The following ZCCHC2 variants were observed in gnomAD, a reference collection of about 807,000 sequenced individuals.
The protein encoded by ZCCHC2 is zinc finger CCHC domain-containing protein 2.
Under a neutral mutation model 103.6 loss-of-function variants are expected in ZCCHC2, and 39 were observed. That is an observed-to-expected ratio of 0.38 (90% CI 0.29 to 0.49). The LOEUF is 0.49. Ranked by LOEUF, ZCCHC2 falls within the 20% of genes least tolerant of loss-of-function variation. ZCCHC2 has a pLI of 0.96. For missense variants in ZCCHC2, 1,483 were observed against 1,491.0 expected, an observed-to-expected ratio of 0.99 and a Z score of 0.09; for synonymous variants, 687 against 608.9, an observed-to-expected ratio of 1.13 and a Z score of -1.89.
chr18:62,553,156 A>ATGTGTGTGTGTGTGTG (rs142422088), intron 5 of ZCCHC2, among the ~76,000 whole-genome samples: 1 of 139,742 alleles, frequency 7.2e-6, no homozygotes, highest in African/African-American at 2.7e-5. Context: ...CCTTAGATTT[A>ATGTGTGTGTGTGTGTG]TGTGTGTGTG....
intron 4 of ZCCHC2, among the ~76,000 whole-genome samples, chr18:62,546,014 C>G (rs1915391117): frequency 6.6e-6 from 1 of 152,186 alleles, no homozygotes. Context: ...TTGAATAGTT[C>G]CATCTTCCTG....
rs991986483 is a variant in ZCCHC2 at position 62,575,668 on chromosome 18, A to G, written c.3469+118A>G. 1.3e-5 allele frequency: 16 copies of G among 1,266,390 alleles called. No individual in the cohort carries two copies. The African/African-American group carries it at 2.1e-4, about 17-fold the overall frequency. The allele number at this position is 1,266,390 out of a possible 1,614,324, so 78.4% of individuals were successfully genotyped here. A position where few individuals can be genotyped will look rare whatever the true frequency, so the allele number is the denominator to read the frequency against. On this transcript the variant is annotated intron_variant, in intron 13 of 13. Coordinates refer to ENST00000269499, the MANE Select transcript of ZCCHC2 (RefSeq NM_017742.6). ...GATCTGTTTGTGTTTTCGTTTATGG[A>G]TATTGTTTTCAGTGACAGATCATAA... is the stretch of plus-strand genomic sequence containing the variant.
At position 62,558,695 on chromosome 18, in the gene ZCCHC2, C is replaced by A. The variant is rs763654281; in HGVS notation, c.1417C>A (p.Gln473Lys). The A allele has an allele frequency of 5.9e-6, 9 of 1,523,292 alleles. No homozygotes were observed. Among genetic ancestry groups the A allele is most frequent in the South Asian group, 2.5e-5 (2 of 78,452 alleles). 94.4% of individuals were successfully genotyped at this position (1,523,292 alleles called of 1,614,324 possible). Residue 473 changes from glutamine to lysine, a missense_variant, in exon 7 of 14, where the codon CAA (glutamine) becomes AAA (lysine). Gln to Lys is a moderately conservative substitution (Grantham distance 53). Transcript: ENST00000269499. ...SDSLHSINNLQSSLKTSKILE... is the reference protein window; with the variant it reads ...SDSLHSINNLKSSLKTSKILE... Reference sequence around the variant, plus strand: ...TTGAATGCTTCCTGCAGATAACTTACAATCCTCTCTGAAGACTTCTAAGAT... The same window carrying A: ...TTGAATGCTTCCTGCAGATAACTTAAAATCCTCTCTGAAGACTTCTAAGAT...
At chr18:62,537,309 G>A (rs1018942233) in intron 1 of ZCCHC2, among the ~76,000 whole-genome samples, 1 of 151,904 alleles carries the variant, frequency 6.6e-6, no homozygotes, top group Non-Finnish European at 1.5e-5. Flanking sequence ...AGGACTACAG[G>A]CACATACCAC....
In ZCCHC2 at chr18:62,575,426, C is replaced by T. The variant is rs375513971; in HGVS notation, c.3345C>T (p.Asn1115=). 1.1e-4 allele frequency: 179 copies of T among 1,613,906 alleles called. No individual in the cohort carries two copies. Among genetic ancestry groups the T allele is most frequent in the Admixed American group, 4.3e-4 (26 of 60,014 alleles). ...GRFYPVYPAP[N]VVANTSGSGP... ...TCTATCCTGTATATCCAGCACCTAA[C>T]GTAGTTGCCAACACCAGTGGTTCGG... is the stretch of plus-strand genomic sequence containing the variant. Residue 1115 remains asparagine (N), a synonymous_variant, in exon 13 of 14, where the codon AAC becomes AAT. Coordinates refer to ENST00000269499, the MANE Select transcript of ZCCHC2 (RefSeq NM_017742.6).
intron 11 of ZCCHC2, 146 bp from the exon 12 acceptor site, chr18:62,569,957 A>T: frequency 1.6e-6 from 1 of 644,050 alleles, no homozygotes; most frequent in East Asian, 3.1e-5. Context: ...TTGTAATTTA[A>T]TCAGTTTAGA....
chr18:62,562,370 T>C (rs1403711306), intron 8 of ZCCHC2, among the ~76,000 whole-genome samples: 3 of 152,188 alleles, frequency 2.0e-5, no homozygotes, highest in Non-Finnish European at 1.5e-5. Flanking sequence ...ATCTGTTTTC[T>C]TCCGACCAAT....
rs1468069609 is a variant in ZCCHC2, at chr18:62,561,821, GT to G, written c.1550+1181del. On this transcript the variant is annotated intron_variant, in intron 8 of 13. Coordinates refer to ENST00000269499, the MANE Select transcript of ZCCHC2 (RefSeq NM_017742.6). ...TTTTGTTGTTGTCTGGTTTTCAGCA[GT>G]TTTCCTAGCTTCCTTTGCATGAATT... 7.8e-4 allele frequency among the ~76,000 whole-genome samples: 119 copies of G among 152,286 alleles called. 1 individual carries two copies. Among genetic ancestry groups the G allele is most frequent in the Non-Finnish European group, 1.1e-3 (76 of 68,026 alleles).
chr18:62,529,150 A>G (rs1164665264), intron 1 of ZCCHC2, among the ~76,000 whole-genome samples: 1 of 142,280 alleles, frequency 7.0e-6, no homozygotes, highest in Non-Finnish European at 1.5e-5. Context: ...ACAGAGTGAG[A>G]CAACGTCTCA....
At chr18:62,571,704 G>C (rs1916605738) in intron 12 of ZCCHC2, among the ~76,000 whole-genome samples, 1 of 152,178 alleles carries the variant, frequency 6.6e-6, no homozygotes, top group Non-Finnish European at 1.5e-5. Flanking sequence ...ACCCATGCTG[G>C]TGGGCAGCAT....
chr18:62,581,855 G>C (rs563984864), downstream of ZCCHC2: 116 of 165,676 alleles, frequency 7.0e-4, no homozygotes, highest in Middle Eastern at 2.8e-3. Context: ...AAGGCCAGGT[G>C]GACCCCTCCC....
chr18:62,524,257 T>C lies in ZCCHC2; in HGVS notation c.833T>C (p.Val278Ala). The change falls in exon 1 of 14, where the codon GTC becomes GCC. Residue 278 changes from valine (V) to alanine (A), a missense_variant. By Grantham distance (64) the Val-to-Ala change is moderately conservative. Around this residue, in one of 3 missense-constraint regions of ZCCHC2, gnomAD observed 568 missense variants for 525.1 expected, o/e 1.08. Transcript: ENST00000269499. ...LHPAFSFHQR[V>A]TLREHLERLR... ...CCGGCTTTCTCCTTCCACCAGCGGG[T>C]CACCCTGAGGGAACACTTGGAGAGG... The C allele has an allele frequency of 6.5e-7, 1 of 1,550,044 alleles. No individual in the cohort carries two copies. Among genetic ancestry groups the C allele is most frequent in the Non-Finnish European group, 8.7e-7 (1 of 1,146,670 alleles).
intron 1 of ZCCHC2, among the ~76,000 whole-genome samples, chr18:62,535,531 G>A (rs1221164407): frequency 1.3e-5 from 2 of 152,146 alleles, no homozygotes; most frequent in Non-Finnish European, 2.9e-5. Context: ...CTGTTCTAGG[G>A]TGTCTGGGAC....
intron 1 of ZCCHC2, among the ~76,000 whole-genome samples, chr18:62,529,799 G>A (rs1402075835): frequency 1.3e-5 from 2 of 152,150 alleles, no homozygotes; most frequent in South Asian, 2.1e-4. Flanking sequence ...ACTAAAATAT[G>A]TCTGTGTGAT....
At chr18:62,567,951 A>AAAAAAAAAAAAAAG (rs1279132414) in intron 11 of ZCCHC2, among the ~76,000 whole-genome samples, 1 of 107,580 alleles carries the variant, frequency 9.3e-6, no homozygotes, top group African/African-American at 2.7e-5. Context: ...TCTCAAAAAA[A>AAAAAAAAAAAAAAG]AAAAAAAAGA....
chr18:62,539,825 A>C, intron 2 of ZCCHC2, 33 bp downstream of exon 2: 1 of 1,506,096 alleles, frequency 6.6e-7, no homozygotes, highest in Non-Finnish European at 9.1e-7. Context: ...TTAAAGCATT[A>C]ATACATCAAA....
chr18:62,557,187 C>G (rs1297145214), intron 6 of ZCCHC2, among the ~76,000 whole-genome samples: 1 of 152,144 alleles, frequency 6.6e-6, no homozygotes, highest in Non-Finnish European at 1.5e-5. Flanking sequence ...CACTGTCTGC[C>G]TTGTGTTTAA....
chr18:62,574,421 A>G lies in ZCCHC2; in HGVS notation c.2340A>G (p.Gly780=). The change falls in exon 13 of 14, where the codon GGA becomes GGG. Residue 780 remains glycine, a synonymous_variant. Transcript: ENST00000269499. ...VGILGPTACT[G]ESEKHLELLA... Reference sequence around the variant, plus strand: ...TACTAGGGCCAACAGCTTGCACTGGAGAATCGGAAAAGCACCTTGAGTTAC... The same window carrying G: ...TACTAGGGCCAACAGCTTGCACTGGGGAATCGGAAAAGCACCTTGAGTTAC... 1 of 1,613,984 alleles carries G rather than the reference A, an allele frequency of 6.2e-7. No individual in the cohort carries two copies. The highest frequency in any genetic ancestry group is 8.5e-7 in the Non-Finnish European group (1 of 1,179,890).
chr18:62,551,469 G>C (rs2080864642), intron 5 of ZCCHC2: 2 of 152,208 alleles, frequency 1.3e-5, no homozygotes, highest in African/African-American at 4.8e-5. Context: ...GGGAATTTGG[G>C]GAAAAAATGT....
Sources: gnomAD v4.1 joint callset for allele counts (sites outside exome capture counted in the v4.1 genomes callset) on GRCh38, gnomAD v4.1.1 for gene constraint, gnomAD v4.1.1 regional missense constraint, MANE v1.5 for transcripts, NCBI Gene and HGNC (gene_info 2026-07-23, HGNC 2026-07-21) for gene names.